SLC6A5: variants seen among roughly 807,000 people sequenced by gnomAD.
SLC6A5 encodes the protein solute carrier family 6 member 5, also known as sodium- and chloride-dependent glycine transporter 2.
SLC6A5 carries 58 observed loss-of-function variants against 90.5 expected under a neutral mutation model. The observed-to-expected ratio is 0.64, with a 90% CI of 0.52 to 0.80. SLC6A5 has a LOEUF of 0.80. Among genes scored for constraint, SLC6A5 ranks in the 30% least tolerant of loss-of-function variants. The pLI is 0.00. For missense variants in SLC6A5, 1,015 were observed against 1,017.6 expected, an observed-to-expected ratio of 1.00 and a Z score of 0.03; for synonymous variants, 427 against 401.4, an observed-to-expected ratio of 1.06 and a Z score of -0.76.
intron 13 of SLC6A5, among the ~76,000 whole-genome samples, chr11:20,643,726 AAGGCATT>A (rs1247085907): frequency 1.3e-5 from 2 of 152,148 alleles, no homozygotes; most frequent in Admixed American, 1.3e-4. Flanking sequence ...GCTGCAACCT[AAGGCATT>A]TTAGAGTGAG....
At chr11:20,602,292 C>T (rs1396576356) in intron 2 of SLC6A5, among the ~76,000 whole-genome samples, 1 of 152,118 alleles carries the variant, frequency 6.6e-6, no homozygotes, top group Non-Finnish European at 1.5e-5. Flanking sequence ...AGTAACCTCC[C>T]TCAATTGTAT....
chr11:20,644,329 A>G lies in SLC6A5; in HGVS notation c.1970-2505A>G, dbSNP rs556769469. On this transcript the variant is annotated intron_variant, in intron 13 of 15. Coordinates refer to ENST00000525748, the MANE Select transcript of SLC6A5 (RefSeq NM_004211.5). ...TTAGATTCCACACGTAAGTGAGAAC[A>G]TACAGTGTTTGTCTTTCTGTGCCTG... Among the ~76,000 whole-genome samples the G allele has an allele frequency of 3.3e-5, 5 of 152,262 alleles. No homozygotes were observed. The South Asian group carries it at 1.0e-3, about 32-fold the overall frequency.
At chr11:20,637,333 GT>G in intron 12 of SLC6A5, 30 bp downstream of exon 12, 1 of 1,599,674 alleles carries the variant, frequency 6.3e-7, no homozygotes, top group Non-Finnish European at 8.6e-7. Flanking sequence ...CAGGCTTGGG[GT>G]GGGGGCAGGA....
At position 20,614,703 on chromosome 11, in the gene SLC6A5, C is replaced by A; in HGVS notation, c.1010C>A (p.Pro337His). The A allele has an allele frequency of 6.2e-7, 1 of 1,613,866 alleles. No individual in the cohort carries two copies. Among genetic ancestry groups the A allele is most frequent in the Non-Finnish European group, 8.5e-7 (1 of 1,179,762 alleles). Residue 337 changes from proline to histidine, a missense_variant, in exon 6 of 16, where the codon CCC (proline) becomes CAC (histidine). This residue lies in a region of SLC6A5 where 567 missense variants were observed against 507.3 expected (regional missense o/e 1.12). Coordinates refer to ENST00000525748, the MANE Select transcript of SLC6A5 (RefSeq NM_004211.5). ...LLDSCVISDH[P>H]KIQIKNSTFC... ...GATTCCTGTGTTATCAGTGACCATC[C>A]CAAAATACAGATCAAGAACTCGACT...
chr11:20,631,915 A>G (rs1458814047), intron 10 of SLC6A5, among the ~76,000 whole-genome samples: 1 of 152,192 alleles, frequency 6.6e-6, no homozygotes, highest in African/African-American at 2.4e-5. Context: ...TACTGCGCCA[A>G]TTCATGCTGA....
intron 3 of SLC6A5, among the ~76,000 whole-genome samples, chr11:20,606,477 A>G (rs950784358): frequency 2.0e-5 from 3 of 152,142 alleles, no homozygotes; most frequent in African/African-American, 7.2e-5. Flanking sequence ...GGGTTTAGGA[A>G]GAAGGATGGG....
chr11:20,630,486 A>T (rs572582162), intron 9 of SLC6A5, among the ~76,000 whole-genome samples: 2 of 152,370 alleles, frequency 1.3e-5, no homozygotes, highest in African/African-American at 4.8e-5. Flanking sequence ...ACAGGCCCTG[A>T]ATCAGGGCTA....
rs1256829328 is a variant in SLC6A5 at position 20,654,883 on chromosome 11, A to G, written c.*15A>G. On this transcript the variant is annotated 3_prime_UTR_variant, in exon 16 of 16. Transcript: ENST00000525748. ...CTCAGTGCTAGTCCAGTGGTGTGGGATGGTCCAGACTTGATCCTGTTTTTC... is the reference window on the plus strand; with the variant it reads ...CTCAGTGCTAGTCCAGTGGTGTGGGGTGGTCCAGACTTGATCCTGTTTTTC... 5 of 1,613,702 alleles carry G rather than the reference A, an allele frequency of 3.1e-6. No homozygotes were observed. The highest frequency in any genetic ancestry group is 4.2e-6 in the Non-Finnish European group (5 of 1,179,592).
chr11:20,605,603 G>C (rs1590155124), intron 3 of SLC6A5, among the ~76,000 whole-genome samples: 1 of 152,356 alleles, frequency 6.6e-6, no homozygotes. Context: ...CCAGTGACTA[G>C]AAGGGGAGTG....
At position 20,601,378 on chromosome 11, in the gene SLC6A5, C is replaced by T. The variant is rs1175335711; in HGVS notation, c.253C>T (p.Pro85Ser). Residue 85 changes from proline (P) to serine (S), a missense_variant, in exon 2 of 16, where the codon CCG becomes TCG. Coordinates refer to ENST00000525748, the MANE Select transcript of SLC6A5 (RefSeq NM_004211.5). ...PGVGSCKLSS[P>S]RAQAASAALR... ...AGTGGGGTCTTGCAAACTCAGTAGC[C>T]CGCGGGCGCAGGCGGCCTCTGCAGC... 1 of 1,603,578 alleles carries T rather than the reference C, an allele frequency of 6.2e-7. No homozygotes were observed. The highest frequency in any genetic ancestry group is 1.1e-5 in the South Asian group (1 of 89,792).
At chr11:20,645,568 A>G (rs1853396826) in intron 13 of SLC6A5, among the ~76,000 whole-genome samples, 1 of 149,842 alleles carries the variant, frequency 6.7e-6, no homozygotes, top group Non-Finnish European at 1.5e-5. Context: ...AGATGTTGGT[A>G]TGTCCCTCTT....
intron 8 of SLC6A5, among the ~76,000 whole-genome samples, chr11:20,627,631 G>A (rs1054427213): frequency 4.6e-5 from 7 of 152,178 alleles, no homozygotes; most frequent in East Asian, 1.9e-4. Flanking sequence ...TTTTGCATCC[G>A]TTGTTATATT....
In SLC6A5 at chr11:20,652,369, C is replaced by T. The variant is rs150429051; in HGVS notation, c.2151C>T (p.Leu717=). ...GCTATCCTAACTGGTCCATGGTGCT[C>T]GGATGGCTAATGCTCGCCTGTTCCG... ...SYRYPNWSMV[L]GWLMLACSVI... Residue 717 remains leucine, a synonymous_variant, in exon 15 of 16, where the codon CTC becomes CTT. Coordinates refer to ENST00000525748, the MANE Select transcript of SLC6A5 (RefSeq NM_004211.5). 39 of 1,613,876 alleles carry T rather than the reference C, an allele frequency of 2.4e-5. No individual in the cohort carries two copies. Among genetic ancestry groups the T allele is most frequent in the Admixed American group, 3.3e-5 (2 of 59,994 alleles).
In SLC6A5 at chr11:20,604,313, G is replaced by C; in HGVS notation, c.568G>C (p.Ala190Pro). The change falls in exon 3 of 16, where the codon GCC becomes CCC. Residue 190 changes from alanine to proline, a missense_variant. This residue lies in a region of SLC6A5 where 567 missense variants were observed against 507.3 expected (regional missense o/e 1.12). Transcript: ENST00000525748. ...GGACGAGCAAGGGGATGAGAATAAGGCCCGAGGGAACTGGTCCAGCAAACT... is the reference window on the plus strand; with the variant it reads ...GGACGAGCAAGGGGATGAGAATAAGCCCCGAGGGAACTGGTCCAGCAAACT... ...QEDEQGDENK[A>P]RGNWSSKLDF... The C allele has an allele frequency of 6.2e-7, 1 of 1,613,776 alleles. No homozygotes were observed. The highest frequency in any genetic ancestry group is 1.1e-5 in the South Asian group (1 of 91,024).
chr11:20,605,754 C>A (rs1459075959), intron 3 of SLC6A5, among the ~76,000 whole-genome samples: 10 of 152,338 alleles, frequency 6.6e-5, no homozygotes, highest in Admixed American at 3.9e-4. Context: ...CTCTGTGATG[C>A]GAGGCAGCCT....
At chr11:20,627,940 C>T (rs1442778303) in intron 8 of SLC6A5, 40 bp from the exon 9 acceptor site, 1 of 1,517,356 alleles carries the variant, frequency 6.6e-7, no homozygotes, top group Non-Finnish European at 9.2e-7. Flanking sequence ...GCGCCAGTCT[C>T]CTTCATGGGT....
intron 7 of SLC6A5, among the ~76,000 whole-genome samples, chr11:20,622,882 G>T (rs917587624): frequency 6.6e-6 from 1 of 152,174 alleles, no homozygotes; most frequent in Non-Finnish European, 1.5e-5. Flanking sequence ...TGTTTTGGGG[G>T]CAGGAAAGTC....
chr11:20,606,545 A>G (rs1437287866), intron 3 of SLC6A5, among the ~76,000 whole-genome samples: 1 of 152,132 alleles, frequency 6.6e-6, no homozygotes, highest in African/African-American at 2.4e-5. Flanking sequence ...GAAGGTGTTC[A>G]GGTAACTTAC....
chr11:20,605,847 T>G (rs1852568991), intron 3 of SLC6A5, among the ~76,000 whole-genome samples: 3 of 152,240 alleles, frequency 2.0e-5, no homozygotes, highest in Admixed American at 2.0e-4. Flanking sequence ...AGAGGAGGAC[T>G]GCACAATCCC....
Sources: allele counts gnomAD v4.1 joint callset (sites outside exome capture counted in the v4.1 genomes callset), GRCh38; gene constraint gnomAD v4.1.1; regional missense constraint gnomAD v4.1.1; transcripts MANE v1.5; gene names NCBI Gene and HGNC (gene_info 2026-07-23, HGNC 2026-07-21).